The following F9 variants were observed in gnomAD, a reference collection of about 807,000 sequenced individuals.
F9 encodes coagulation factor IX.
F9 carries 2 observed loss-of-function variants against 34.1 expected under a neutral mutation model. That is an observed-to-expected ratio of 0.06 (90% CI 0.02 to 0.18). F9 has a LOEUF of 0.18. Ranked by LOEUF, F9 falls within the 10% of genes least tolerant of loss-of-function variation. The probability of loss-of-function intolerance (pLI) is 1.00; values close to 1 mark genes in which losing one functional copy is unlikely to be tolerated. For missense variants in F9, 216 were observed against 345.1 expected, an observed-to-expected ratio of 0.63 and a Z score of 2.96; for synonymous variants, 137 against 118.8, an observed-to-expected ratio of 1.15 and a Z score of -1.00.
At chrX:139,542,802 A>G (rs1927632037) in intron 4 of F9, among the ~76,000 whole-genome samples, 1 of 111,661 alleles carries the variant, frequency 9.0e-6, no homozygotes. Context: ...TGCTAAGTCT[A>G]CAACTGACAC....
At chrX:139,533,919 A>T (rs914578901) in intron 1 of F9, among the ~76,000 whole-genome samples, 1 of 111,990 alleles carries the variant, frequency 8.9e-6, no homozygotes, top group African/African-American at 3.2e-5. Flanking sequence ...GAGGAACAGG[A>T]GTTAATCAAT....
In F9 at chrX:139,555,213, G is replaced by T. The variant is rs1927938472; in HGVS notation, c.723+3949G>T. ...AGCTGTTCTGTCACTGGGGACAGCA[G>T]CGGCTAGATAGCCCCATTCAGGGAG... On this transcript the variant is annotated intron_variant, in intron 6 of 7. Coordinates refer to ENST00000218099, the MANE Select transcript of F9 (RefSeq NM_000133.4). Among the ~76,000 whole-genome samples the T allele has an allele frequency of 5.3e-5, 6 of 112,464 alleles. No individual in the cohort carries two copies. In the South Asian group the frequency reaches 2.2e-3, roughly 41 times the overall value.
At chrX:139,531,623 T>A (rs1438675990) in intron 1 of F9, among the ~76,000 whole-genome samples, 1 of 112,345 alleles carries the variant, frequency 8.9e-6, no homozygotes, top group African/African-American at 3.2e-5. Context: ...TACAGTGACT[T>A]TATGTATTTC....
At chrX:139,556,276 G>GA (rs1234923575) in intron 6 of F9, among the ~76,000 whole-genome samples, 2 of 112,026 alleles carry the variant, frequency 1.8e-5, no homozygotes. Context: ...TTAACCTACA[G>GA]AAAATGTCCA....
At chrX:139,542,375 C>T (rs1036372681) in intron 4 of F9, among the ~76,000 whole-genome samples, 2 of 111,915 alleles carry the variant, frequency 1.8e-5, no homozygotes, top group Admixed American at 1.9e-4. Flanking sequence ...CCTTAGGTTT[C>T]CATTGTGGGG....
chrX:139,553,843 TAAAA>T (rs774758448), intron 6 of F9, among the ~76,000 whole-genome samples: 1 of 67,554 alleles, frequency 1.5e-5, no homozygotes, highest in South Asian at 6.5e-4. Flanking sequence ...AGTCCAAGAT[TAAAA>T]AAAAAAAAAA....
rs762447016 is a variant in F9 at position 139,537,110 on chromosome X, A to G, written c.189A>G (p.Glu63=). Residue 63 remains glutamate, a synonymous_variant, in exon 2 of 8, where the codon GAA becomes GAG. Coordinates refer to ENST00000218099, the MANE Select transcript of F9 (RefSeq NM_000133.4). ...EEFVQGNLER[E]CMEEKCSFEE... The stretch of plus-strand genomic sequence containing the variant: ...TTGTTCAAGGGAACCTTGAGAGAGA[A>G]TGTATGGAAGAAAAGTGTAGTTTTG... 1.7e-6 allele frequency: 2 copies of G among 1,211,146 alleles called. No individual in the cohort carries two copies. Among genetic ancestry groups the G allele is most frequent in the East Asian group, 5.9e-5 (2 of 33,769 alleles).
At chrX:139,560,163 G>A (rs1928065189) in intron 6 of F9, among the ~76,000 whole-genome samples, 1 of 111,946 alleles carries the variant, frequency 8.9e-6, no homozygotes, top group South Asian at 3.8e-4. Flanking sequence ...AAGAATGAAT[G>A]AGCCCTGCTA....
chrX:139,541,261 A>G, intron 4 of F9, 72 bp downstream of exon 4: 1 of 661,272 alleles, frequency 1.5e-6, no homozygotes, highest in Non-Finnish European at 2.4e-6. Flanking sequence ...GGAAAATGCA[A>G]TATTGGTGTA....
At chrX:139,561,144 T>TA (rs1928092243) in intron 7 of F9, among the ~76,000 whole-genome samples, 1 of 111,734 alleles carries the variant, frequency 8.9e-6, no homozygotes, top group African/African-American at 3.3e-5. Context: ...TCCTTTTATC[T>TA]CTGGTGCTTG....
At position 139,537,152 on chromosome X, in the gene F9, T is replaced by G. The variant is rs767303239; in HGVS notation, c.231T>G (p.Val77=). The G allele has an allele frequency of 3.1e-5, 37 of 1,209,246 alleles. No individual in the cohort carries two copies. The highest frequency in any genetic ancestry group is 1.8e-5 in the Non-Finnish European group (16 of 894,695). ...EKCSFEEARE[V]FENTERTTEF... is the part of the protein sequence containing the mutation. ...GTAGTTTTGAAGAAGCACGAGAAGT[T>G]TTTGAAAACACTGAAAGAACAGTGA... Residue 77 remains valine (V), a synonymous_variant, in exon 2 of 8, where the codon GTT becomes GTG. Transcript: ENST00000218099.
intron 6 of F9, among the ~76,000 whole-genome samples, chrX:139,554,574 AT>A (rs1927924372): frequency 8.9e-6 from 1 of 112,143 alleles, no homozygotes; most frequent in Non-Finnish European, 1.9e-5. Context: ...ATCTCTCCTC[AT>A]TTGTGGATGG....
At chrX:139,533,349 T>A (rs755453773) in intron 1 of F9, among the ~76,000 whole-genome samples, 2 of 112,095 alleles carry the variant, frequency 1.8e-5, no homozygotes, top group East Asian at 5.6e-4. Flanking sequence ...TCTATGAATC[T>A]ATCTTCCTCA....
At position 139,556,348 on chromosome X, in the gene F9, A is replaced by G. The variant is rs772188746; in HGVS notation, c.724-4393A>G. On this transcript the variant is annotated intron_variant, in intron 6 of 7. Transcript: ENST00000218099. ...AAGAAAATCTTTAAAATGTCTTAGC[A>G]TTTTCCCCAGTCTCCATCCACTTTC... is the stretch of plus-strand genomic sequence containing the variant. Among the ~76,000 whole-genome samples the G allele has an allele frequency of 1.7e-4, 19 of 111,416 alleles. 1 individual carries two copies. The East Asian group carries it at 4.8e-3, about 28-fold the overall frequency.
chrX:139,548,524 T>C (rs1316638965), intron 5 of F9, 33 bp downstream of exon 5: 1 of 1,189,924 alleles, frequency 8.4e-7, no homozygotes, highest in African/African-American at 1.7e-5. Context: ...TTAAAGAAAA[T>C]CTGTATCTGA....
chrX:139,547,135 A>G (rs921729332), intron 4 of F9, among the ~76,000 whole-genome samples: 1 of 111,910 alleles, frequency 8.9e-6, no homozygotes. Flanking sequence ...GAAACACACT[A>G]GAGTGCTCAG....
In F9 at chrX:139,562,101, T is replaced by C; in HGVS notation, c.*30T>C. 1 of 1,175,126 alleles carries C rather than the reference T, an allele frequency of 8.5e-7. No homozygotes were observed. On this transcript the variant is annotated 3_prime_UTR_variant, in exon 8 of 8. Transcript: ENST00000218099. ...AGATGGATTTCCAAGGTTAATTCAT[T>C]GGAATTGAAAATTAACAGGGCCTCT... is the stretch of plus-strand genomic sequence containing the variant.
At chrX:139,536,125 T>TC (rs1282557156) in intron 1 of F9, among the ~76,000 whole-genome samples, 8 of 107,323 alleles carry the variant, frequency 7.5e-5, no homozygotes, top group African/African-American at 1.4e-4. Context: ...CTCATATATA[T>TC]ATATATATGA....
chrX:139,558,846 T>A (rs1928030305), intron 6 of F9, among the ~76,000 whole-genome samples: 1 of 111,972 alleles, frequency 8.9e-6, no homozygotes, highest in Admixed American at 9.4e-5. Context: ...TAAATTAAGC[T>A]TCGATTAGCC....
Sources: allele counts gnomAD v4.1 joint callset (sites outside exome capture counted in the v4.1 genomes callset), GRCh38; gene constraint gnomAD v4.1.1; transcripts MANE v1.5; gene names NCBI Gene and HGNC (gene_info 2026-07-23, HGNC 2026-07-21).